The following CCDC3 variants were observed in gnomAD, a reference collection of about 807,000 sequenced individuals.
CCDC3 encodes coiled-coil domain-containing protein 3.
Under a neutral mutation model 21.4 loss-of-function variants are expected in CCDC3, and 24 were observed. The ratio of observed to expected loss-of-function variants is 1.12; its 90% confidence interval spans 0.81 to 1.58. The LOEUF is 1.58. Among genes scored for constraint, CCDC3 ranks in the 40% most tolerant of loss-of-function variants. The pLI is 0.00. For missense variants in CCDC3, 425 were observed against 360.9 expected, an observed-to-expected ratio of 1.18 and a Z score of -1.44; for synonymous variants, 186 against 166.0, an observed-to-expected ratio of 1.12 and a Z score of -0.93.
chr10:12,988,664 C>G (rs1415404611), intron 2 of CCDC3, among the ~76,000 whole-genome samples: 1 of 152,022 alleles, frequency 6.6e-6, no homozygotes, highest in Non-Finnish European at 1.5e-5. Flanking sequence ...TAATTCTTGG[C>G]CAAACACCTA....
chr10:13,057,724 A>G (rs561886862), intron 4 of CCDC3, among the ~76,000 whole-genome samples: 2 of 151,566 alleles, frequency 1.3e-5, no homozygotes, highest in Non-Finnish European at 3.0e-5. Flanking sequence ...CTAAAAATAC[A>G]AAAAATTAGC....
intron 3 of CCDC3, among the ~76,000 whole-genome samples, chr10:13,092,661 A>C (rs953428633): frequency 2.6e-5 from 4 of 152,218 alleles, no homozygotes; most frequent in African/African-American, 9.7e-5. Context: ...GGAATGGATG[A>C]GGTCAGGAAT....
chr10:12,927,130 T>C (rs1234818986), intron 2 of CCDC3, among the ~76,000 whole-genome samples: 1 of 152,204 alleles, frequency 6.6e-6, no homozygotes, highest in Non-Finnish European at 1.5e-5. Flanking sequence ...ATTTTTAAAA[T>C]GGAAATTTCC....
At chr10:12,981,009 G>T (rs1394209964) in intron 2 of CCDC3, among the ~76,000 whole-genome samples, 3 of 152,022 alleles carry the variant, frequency 2.0e-5, no homozygotes, top group African/African-American at 7.3e-5. Context: ...TCTCTCTTTG[G>T]GGGAGAGGAG....
At chr10:12,983,135 TATATATATATATATATATATATATATA>T in intron 2 of CCDC3, among the ~76,000 whole-genome samples, 1 of 10,144 alleles carries the variant, frequency 9.9e-5, no homozygotes, top group African/African-American at 4.1e-4. Context: ...ATAGTGTATA[TATATATATATATATATATATATATATA>T]TATATATATA....
At chr10:12,956,396 G>A (rs761854542) in intron 2 of CCDC3, among the ~76,000 whole-genome samples, 7 of 152,014 alleles carry the variant, frequency 4.6e-5, no homozygotes, top group African/African-American at 7.3e-5. Context: ...CATGGCTGCC[G>A]TGTCCCTGTC....
chr10:12,945,870 A>G (rs1264798798), intron 2 of CCDC3, among the ~76,000 whole-genome samples: 1 of 152,176 alleles, frequency 6.6e-6, no homozygotes, highest in Non-Finnish European at 1.5e-5. Context: ...AATGGGGTGC[A>G]GTGTGTGTGT....
rs146353875 is a variant in CCDC3, at chr10:12,937,524, G to A, written c.550-38845C>T. Reference sequence around the variant, plus strand: ...GTCACCCAAGCTGGAGGGCAGGGGCGTGATCATAGCTCACTGCAGCCTCGA... The same window carrying A: ...GTCACCCAAGCTGGAGGGCAGGGGCATGATCATAGCTCACTGCAGCCTCGA... On this transcript the variant is annotated intron_variant, in intron 2 of 2. Transcript: ENST00000378825. Among the ~76,000 whole-genome samples the A allele has an allele frequency of 2.3e-3, 350 of 152,228 alleles. 2 individuals are homozygous for A. Among genetic ancestry groups the A allele is most frequent in the African/African-American group, 7.8e-3 (322 of 41,522 alleles).
At position 12,897,426 on chromosome 10, in the gene CCDC3, G is replaced by A. The variant is rs940531417; in HGVS notation, c.*990C>T. The stretch of plus-strand genomic sequence containing the variant: ...GGAACAAACAAGGCTTGTTGTGGGG[G>A]AAAAGTGTTTGCATAAAGAAGAAGA... On this transcript the variant is annotated 3_prime_UTR_variant, in exon 3 of 3. Transcript: ENST00000378825. The A allele has an allele frequency of 6.6e-6, 1 of 152,226 alleles. No individual in the cohort carries two copies. Among genetic ancestry groups the A allele is most frequent in the African/African-American group, 2.4e-5 (1 of 41,438 alleles). 9.4% of individuals were successfully genotyped at this position (152,226 alleles called of 1,614,324 possible). A position where few individuals can be genotyped will look rare whatever the true frequency, so the allele number is the denominator to read the frequency against.
chr10:13,042,510 GTCA>G (rs1836470575), intron 5 of CCDC3, among the ~76,000 whole-genome samples: 2 of 152,210 alleles, frequency 1.3e-5, no homozygotes, highest in Admixed American at 6.5e-5. Flanking sequence ...GCCAAATATT[GTCA>G]TCATCTCCGA....
intron 3 of CCDC3, among the ~76,000 whole-genome samples, chr10:13,078,016 A>C (rs1223227210): frequency 6.6e-6 from 1 of 152,234 alleles, no homozygotes; most frequent in Non-Finnish European, 1.5e-5. Context: ...AATGGGATCT[A>C]ATTAAACTAA....
intron 2 of CCDC3, among the ~76,000 whole-genome samples, chr10:12,982,892 C>G (rs1835523608): frequency 6.7e-6 from 1 of 148,916 alleles, no homozygotes; most frequent in African/African-American, 2.5e-5. Context: ...GTGGGCAGAT[C>G]ACTTGAGATC....
chr10:13,034,487 A>G (rs2131413635), intron 5 of CCDC3, among the ~76,000 whole-genome samples: 1 of 151,290 alleles, frequency 6.6e-6, no homozygotes, highest in Non-Finnish European at 1.5e-5. Flanking sequence ...AACTTAAAGT[A>G]TAATTTTAAA....
intron 2 of CCDC3, among the ~76,000 whole-genome samples, chr10:12,927,170 T>C (rs1017027490): frequency 6.6e-6 from 1 of 152,200 alleles, no homozygotes; most frequent in Non-Finnish European, 1.5e-5. Flanking sequence ...GAGATGAGTA[T>C]AGTGAGCCTC....
chr10:13,015,835 T>C (rs1055729012), intron 5 of CCDC3, among the ~76,000 whole-genome samples: 6 of 151,934 alleles, frequency 3.9e-5, no homozygotes, highest in Non-Finnish European at 8.8e-5. Flanking sequence ...GGATGGTTAA[T>C]AGGTACAAAA....
At chr10:12,916,096 A>AG (rs1432177160) in intron 2 of CCDC3, among the ~76,000 whole-genome samples, 1 of 152,106 alleles carries the variant, frequency 6.6e-6, no homozygotes, top group Admixed American at 6.5e-5. Context: ...ATAGCAATGC[A>AG]GGGGCTGCCC....
intron 2 of CCDC3, among the ~76,000 whole-genome samples, chr10:12,940,342 A>G (rs192520317): frequency 6.8e-6 from 1 of 146,214 alleles, no homozygotes; most frequent in Non-Finnish European, 1.5e-5. Flanking sequence ...CATTTCAAGT[A>G]TATTATTGGT....
At position 12,920,879 on chromosome 10, in the gene CCDC3, TAG is replaced by T. The variant is rs1834440373; in HGVS notation, c.550-22202_550-22201del. 2.6e-5 allele frequency among the ~76,000 whole-genome samples: 4 copies of T among 152,190 alleles called. No homozygotes were observed. In the South Asian group the frequency reaches 8.3e-4, roughly 32 times the overall value. ...GCTCCCATGCTCATAACCTCCATGG[TAG>T]ACTGACTACCTCTAGGAAAACTTGA... On this transcript the variant is annotated intron_variant, in intron 2 of 2. Transcript: ENST00000378825.
At chr10:13,093,665 G>T (rs1224329069) in intron 3 of CCDC3, among the ~76,000 whole-genome samples, 1 of 151,910 alleles carries the variant, frequency 6.6e-6, no homozygotes, top group Non-Finnish European at 1.5e-5. Context: ...AAGGCCTAGG[G>T]GTGAGTTCTC....
Sources: allele counts gnomAD v4.1 joint callset (sites outside exome capture counted in the v4.1 genomes callset), GRCh38; gene constraint gnomAD v4.1.1; transcripts MANE v1.5; gene names NCBI Gene and HGNC (gene_info 2026-07-23, HGNC 2026-07-21).